The following FSTL5 variants were observed in gnomAD, a reference collection of about 807,000 sequenced individuals.
FSTL5 encodes the protein follistatin-related protein 5.
A neutral mutation model predicts 89.1 loss-of-function variants in FSTL5; 62 were observed. The ratio of observed to expected loss-of-function variants is 0.70; its 90% CI spans 0.57 to 0.86. The LOEUF (loss-of-function observed/expected upper bound fraction) is 0.86, where lower values mean the gene tolerates loss of function less well. Ranked by LOEUF, FSTL5 falls within the 40% of genes least tolerant of loss-of-function variation. The pLI, the probability that FSTL5 is intolerant of heterozygous loss-of-function variation, is 0.00. For missense variants in FSTL5, 1,057 were observed against 1,001.6 expected, an observed-to-expected ratio of 1.06 and a Z score of -0.75; for synonymous variants, 383 against 346.2, an observed-to-expected ratio of 1.11 and a Z score of -1.18.
At chr4:161,865,305 A>G (rs2126894376) in intron 4 of FSTL5, among the ~76,000 whole-genome samples, 1 of 152,358 alleles carries the variant, frequency 6.6e-6, no homozygotes, top group South Asian at 2.1e-4. Flanking sequence ...ACTATGGGGA[A>G]AAGTCCACAT....
chr4:161,751,293 A>C (rs1300710883), intron 6 of FSTL5, among the ~76,000 whole-genome samples: 1 of 152,184 alleles, frequency 6.6e-6, no homozygotes, highest in African/African-American at 2.4e-5. Context: ...TTGGTGTATA[A>C]AAATAATTTA....
At chr4:161,408,692 T>G (rs1341674322) in intron 15 of FSTL5, among the ~76,000 whole-genome samples, 2 of 152,068 alleles carry the variant, frequency 1.3e-5, no homozygotes, top group Non-Finnish European at 2.9e-5. Context: ...GTAAAATAAC[T>G]CAAGAGCTAA....
chr4:161,939,284 G>A (rs1734514267), intron 3 of FSTL5, among the ~76,000 whole-genome samples: 1 of 151,730 alleles, frequency 6.6e-6, no homozygotes, highest in Non-Finnish European at 1.5e-5. Flanking sequence ...GTATTAAATT[G>A]GAACAGTGAG....
chr4:161,807,455 C>G (rs940862790), intron 4 of FSTL5, among the ~76,000 whole-genome samples: 2 of 152,036 alleles, frequency 1.3e-5, no homozygotes, highest in Non-Finnish European at 2.9e-5. Context: ...AATTGAGATT[C>G]AAGTTGTGGC....
chr4:161,648,591 T>G (rs2126675678), intron 7 of FSTL5, among the ~76,000 whole-genome samples: 2 of 152,280 alleles, frequency 1.3e-5, no homozygotes, highest in South Asian at 4.1e-4. Context: ...AAATGGCACC[T>G]AGTACACAAT....
chr4:161,394,905 C>A (rs1200044849), intron 15 of FSTL5, among the ~76,000 whole-genome samples: 2 of 152,050 alleles, frequency 1.3e-5, no homozygotes, highest in Non-Finnish European at 2.9e-5. Flanking sequence ...GCATTTTAGC[C>A]TTTGACTCCT....
chr4:162,035,414 A>G (rs922072577), intron 2 of FSTL5: 17 of 152,232 alleles, frequency 1.1e-4, no homozygotes, highest in Admixed American at 7.9e-4. Context: ...GCATGATCCA[A>G]GCATATATAT....
intron 3 of FSTL5, among the ~76,000 whole-genome samples, chr4:161,984,959 CTTTT>C (rs760714876): frequency 7.1e-6 from 1 of 141,830 alleles, no homozygotes; most frequent in African/African-American, 2.6e-5. Flanking sequence ...TATCTGAATA[CTTTT>C]TTTTTTTTTT....
chr4:161,443,683 T>C (rs1224745116), intron 15 of FSTL5, among the ~76,000 whole-genome samples: 2 of 151,992 alleles, frequency 1.3e-5, no homozygotes, highest in Non-Finnish European at 2.9e-5. Context: ...AGAGCGGTGC[T>C]GTCTTAAACG....
intron 1 of FSTL5, among the ~76,000 whole-genome samples, chr4:162,134,137 C>T (rs780491663): frequency 1.3e-5 from 2 of 152,158 alleles, no homozygotes; most frequent in Non-Finnish European, 2.9e-5. Flanking sequence ...CGTGATTCTT[C>T]CTTTTTACTA....
intron 4 of FSTL5, among the ~76,000 whole-genome samples, chr4:161,895,015 G>A (rs530978320): frequency 3.3e-5 from 5 of 152,288 alleles, no homozygotes; most frequent in African/African-American, 1.2e-4. Flanking sequence ...TGCTTTGGGA[G>A]TTACATTCTT....
intron 15 of FSTL5, among the ~76,000 whole-genome samples, chr4:161,436,641 T>C (rs1732569881): frequency 6.6e-6 from 1 of 152,322 alleles, no homozygotes; most frequent in Non-Finnish European, 1.5e-5. Flanking sequence ...GCCATTTTAA[T>C]AGTGAGGGAC....
At chr4:162,115,633 C>T (rs914980147) in intron 1 of FSTL5, among the ~76,000 whole-genome samples, 4 of 152,090 alleles carry the variant, frequency 2.6e-5, no homozygotes, top group African/African-American at 9.7e-5. Context: ...CAGAAAACAA[C>T]CTCATTATTA....
chr4:161,870,516 G>T (rs554396230), intron 4 of FSTL5, among the ~76,000 whole-genome samples: 1 of 151,986 alleles, frequency 6.6e-6, no homozygotes, highest in African/African-American at 2.4e-5. Flanking sequence ...TCATAGAGTC[G>T]TCCATGAATG....
chr4:161,803,995 G>A (rs1729880347), intron 4 of FSTL5, among the ~76,000 whole-genome samples: 1 of 151,980 alleles, frequency 6.6e-6, no homozygotes, highest in African/African-American at 2.4e-5. Flanking sequence ...GTGGACTGAA[G>A]TCCCTTTGTT....
intron 11 of FSTL5, among the ~76,000 whole-genome samples, chr4:161,509,742 A>T (rs1039342781): frequency 6.6e-6 from 1 of 152,160 alleles, no homozygotes; most frequent in African/African-American, 2.4e-5. Flanking sequence ...AATTTCATTT[A>T]ACCACAATTG....
At chr4:161,423,013 A>G (rs1271597721) in intron 15 of FSTL5, among the ~76,000 whole-genome samples, 1 of 152,154 alleles carries the variant, frequency 6.6e-6, no homozygotes, top group Non-Finnish European at 1.5e-5. Flanking sequence ...TTCAGAAACA[A>G]TTTTGCTTGA....
intron 15 of FSTL5, among the ~76,000 whole-genome samples, chr4:161,407,804 T>C (rs968462751): frequency 3.3e-5 from 5 of 152,162 alleles, no homozygotes; most frequent in Non-Finnish European, 7.4e-5. Flanking sequence ...AACATGTATA[T>C]AGTGCAGCCT....
intron 4 of FSTL5, among the ~76,000 whole-genome samples, chr4:161,849,958 T>C (rs539105670): frequency 6.6e-6 from 1 of 152,288 alleles, no homozygotes; most frequent in East Asian, 1.9e-4. Context: ...AGGAAATCCA[T>C]TTATGTCTTA....
Sources: allele counts gnomAD v4.1 joint callset (sites outside exome capture counted in the v4.1 genomes callset), GRCh38; gene constraint gnomAD v4.1.1; transcripts MANE v1.5; gene names NCBI Gene and HGNC (gene_info 2026-07-23, HGNC 2026-07-21).